Variants in TAP2 observed in about 807,000 individuals in gnomAD.
TAP2 encodes transporter 2, ATP binding cassette subfamily B member.
In TAP2, 49 loss-of-function variants were observed where a neutral mutation model predicts 74.7. The observed-to-expected ratio is 0.66, with a 90% CI of 0.52 to 0.83. The LOEUF (loss-of-function observed/expected upper bound fraction) is 0.83, where lower values mean the gene tolerates loss of function less well. Ranked by LOEUF, TAP2 falls within the 40% of genes least tolerant of loss-of-function variation. The pLI is 0.00. For synonymous variants in TAP2, 306 were observed against 368.4 expected (o/e 0.83, Z 1.94); for missense variants, 739 against 859.0 (o/e 0.86, Z 1.75).
rs912437806 is a variant in TAP2, at chr6:32,838,712, C to G, written c.-64G>C. On this transcript the variant is annotated 5_prime_UTR_variant, in exon 1 of 12. Transcript: ENST00000374897. The stretch of plus-strand genomic sequence containing the variant: ...TCTGCTTCAGCGCTGAGGTCCGCTC[C>G]GTCTCTCCCAACCTCGCTACCGGCT... 6.3e-6 allele frequency: 1 copy of G among 157,724 alleles called. No homozygotes were observed. The highest frequency in any genetic ancestry group is 1.4e-5 in the Non-Finnish European group (1 of 71,994). The allele number at this position is 157,724 out of a possible 1,614,324, so 9.8% of individuals were successfully genotyped here.
chr6:32,832,208 C>A lies in TAP2; in HGVS notation c.1272+125G>T. 7.1e-7 allele frequency: 1 copy of A among 1,398,648 alleles called. No individual in the cohort carries two copies. Among genetic ancestry groups the A allele is most frequent in the Non-Finnish European group, 9.8e-7 (1 of 1,016,530 alleles). The allele number at this position is 1,398,648 out of a possible 1,614,324, so 86.6% of individuals were successfully genotyped here. The stretch of plus-strand genomic sequence containing the variant: ...GGCATATGTTTAAAATTCTCCATAG[C>A]AAAATTACTTGCGGGTTTTGGTTTT... On this transcript the variant is annotated intron_variant, in intron 7 of 11. Coordinates refer to ENST00000374897, the MANE Select transcript of TAP2 (RefSeq NM_001290043.2). This position sits in a 1 kb window ranked among gnomAD's most constrained non-coding sequence, Gnocchi z 5.9.
At position 32,838,127 on chromosome 6, in the gene TAP2, G is replaced by A; in HGVS notation, c.107C>T (p.Pro36Leu). Residue 36 changes from proline to leucine, a missense_variant, in exon 2 of 12, where the codon CCA becomes CTA. Transcript: ENST00000374897. ...CAGGGTCCCCTCCAGCCATAGTCCT[G>A]GCAGCCCTTGAGGAAGCAAAGTCCC... ...PLGTLLPQGL[P>L]GLWLEGTLRL... 1 of 1,609,868 alleles carries A rather than the reference G, an allele frequency of 6.2e-7. No homozygotes were observed. Among genetic ancestry groups the A allele is most frequent in the Non-Finnish European group, 8.5e-7 (1 of 1,178,270 alleles).
downstream of TAP2, among the ~76,000 whole-genome samples, chr6:32,825,126 T>TTATATATA (rs28381588): frequency 1.3e-4 from 18 of 140,784 alleles, no homozygotes; most frequent in East Asian, 6.5e-4. Context: ...TGTCTGTTGG[T>TTATATATA]TATATACATA....
Position 32,830,700 on chromosome 6 carries a change from G to A in TAP2, c.1379C>T (p.Ala460Val), listed in dbSNP as rs1269566347. 3 of 1,613,080 alleles carry A rather than the reference G, an allele frequency of 1.9e-6. No homozygotes were observed. Among genetic ancestry groups the A allele is most frequent in the Non-Finnish European group, 2.5e-6 (3 of 1,180,012 alleles). ...CACAACCCCCTGCAGAGTGGTGGGG[G>A]CAAGCGTGCCAGGTGAAGGCAGATT... ...QPNLPSPGTL[A>V]PTTLQGVVKF... The change falls in exon 8 of 12, where the codon GCC becomes GTC. Residue 460 changes from alanine to valine, a missense_variant. Coordinates refer to ENST00000374897, the MANE Select transcript of TAP2 (RefSeq NM_001290043.2).
rs571349834 is a variant in TAP2, at chr6:32,829,803, T to C, written c.1795+127A>G. ...AATTCAGTGTGTGGGGAAGGAGACGTAGGAATGGAGGAAAGGGCAGAGGAA... is the reference window on the plus strand; with the variant it reads ...AATTCAGTGTGTGGGGAAGGAGACGCAGGAATGGAGGAAAGGGCAGAGGAA... On this transcript the variant is annotated intron_variant, in intron 10 of 11. Transcript: ENST00000374897. The C allele has an allele frequency of 1.4e-4, 183 of 1,320,958 alleles. No homozygotes were observed. The African/African-American group carries it at 1.9e-3, about 14-fold the overall frequency. The allele number at this position is 1,320,958 out of a possible 1,614,324, so 81.8% of individuals were successfully genotyped here.
Position 32,830,681 on chromosome 6 carries a change from C to T in TAP2, c.1398G>A (p.Gly466=), listed in dbSNP as rs137982419. 5,556 of 1,613,040 alleles carry T rather than the reference C, an allele frequency of 3.4e-3. 63 individuals carry two copies. The highest frequency in any genetic ancestry group is 0.029 in the African/African-American group (2,152 of 75,006). ...AGGAGACGTCTTGGAATTTCACAAC[C>T]CCCTGCAGAGTGGTGGGGGCAAGCG... The part of the protein sequence containing the change: ...PGTLAPTTLQ[G]VVKFQDVSFA... Residue 466 remains glycine (G), a synonymous_variant, in exon 8 of 12, where the codon GGG becomes GGA. Transcript: ENST00000374897.
In TAP2 at chr6:32,831,111, G is replaced by A. The variant is rs1321465335; in HGVS notation, c.1273-305C>T. Among the ~76,000 whole-genome samples the A allele has an allele frequency of 3.3e-5, 5 of 152,088 alleles. No individual in the cohort carries two copies. The South Asian group carries it at 6.2e-4, about 19-fold the overall frequency. On this transcript the variant is annotated intron_variant, in intron 7 of 11. Coordinates refer to ENST00000374897, the MANE Select transcript of TAP2 (RefSeq NM_001290043.2). ...CCAGTTCTGTCTTGCTTGATTAGAC[G>A]GGGAGCTCCTTAAATGCAGGCACTG...
At position 32,826,547 on chromosome 6, in the gene TAP2, G is replaced by A; in HGVS notation, c.*2359C>T. On this transcript the variant is annotated 3_prime_UTR_variant, in exon 12 of 12. Transcript: ENST00000374897. ...ACACTTACAGGAATTTGTCTGTCTA[G>A]CCCGAATATTTTGACTTTCAGGGAG... The A allele has an allele frequency of 1.0e-6, 1 of 985,368 alleles. No individual in the cohort carries two copies. Among genetic ancestry groups the A allele is most frequent in the Non-Finnish European group, 1.2e-6 (1 of 829,922 alleles). 61.0% of individuals were successfully genotyped at this position (985,368 alleles called of 1,614,324 possible). A position where few individuals can be genotyped will look rare whatever the true frequency, so the allele number is the denominator to read the frequency against.
At chr6:32,837,118 G>A (rs992062555) in intron 3 of TAP2, among the ~76,000 whole-genome samples, 2 of 152,174 alleles carry the variant, frequency 1.3e-5, no homozygotes, top group African/African-American at 4.8e-5. Context: ...AGATGAGCTG[G>A]GAAAGAAGAG....
chr6:32,823,429 A>ATTTTTTTTTTTTTT (rs9280195), downstream of TAP2, among the ~76,000 whole-genome samples: 1 of 64,572 alleles, frequency 1.5e-5, no homozygotes, highest in Non-Finnish European at 2.7e-5. Flanking sequence ...GTCACACTCA[A>ATTTTTTTTTTTTTT]TTTTTTTTTT....
chr6:32,830,294 C>T lies in TAP2; in HGVS notation c.1608G>A (p.Gln536=), dbSNP rs941099026. The change falls in exon 9 of 12, where the codon CAG becomes CAA. Residue 536 remains glutamine (Q), a synonymous_variant. Coordinates refer to ENST00000374897, the MANE Select transcript of TAP2 (RefSeq NM_001290043.2). The part of the protein sequence containing the change: ...QVLLDEKPIS[Q]YEHCYLHSQV... ...GGCTGTGCAGGTAGCAGTGTTCATA[C>T]TGTGAGATGGGCTTTTCATCCAGCA... The T allele has an allele frequency of 1.2e-6, 2 of 1,613,106 alleles. No individual in the cohort carries two copies. Among genetic ancestry groups the T allele is most frequent in the African/African-American group, 1.3e-5 (1 of 75,046 alleles).
Position 32,838,307 on chromosome 6 carries a change from C to G in TAP2, c.-4-70G>C, listed in dbSNP as rs55857185. On this transcript the variant is annotated intron_variant, in intron 1 of 11. Transcript: ENST00000374897. ...ATCCTTGTCCCTGCCCTCCTACCCG[C>G]CCGGCTCCGCCTAACCCGTCCATCG... 3.1e-3 allele frequency: 4,546 copies of G among 1,485,782 alleles called. 55 individuals are homozygous for G. The highest frequency in any genetic ancestry group is 0.023 in the African/African-American group (1,599 of 70,368). The allele number at this position is 1,485,782 out of a possible 1,614,324, so 92.0% of individuals were successfully genotyped here.
chr6:32,826,977 T>G lies in TAP2; in HGVS notation c.*1929A>C. ...AGAGTTCTTTCTCTCCAAATGCCTA[T>G]TTTACCCTCTGTGAAATTTGAGAGA... On this transcript the variant is annotated 3_prime_UTR_variant, in exon 12 of 12. Coordinates refer to ENST00000374897, the MANE Select transcript of TAP2 (RefSeq NM_001290043.2). 1 of 985,408 alleles carries G rather than the reference T, an allele frequency of 1.0e-6. No homozygotes were observed. Among genetic ancestry groups the G allele is most frequent in the Non-Finnish European group, 1.2e-6 (1 of 829,926 alleles). 61.0% of individuals were successfully genotyped at this position (985,408 alleles called of 1,614,324 possible). A position where few individuals can be genotyped will look rare whatever the true frequency, so the allele number is the denominator to read the frequency against.
Position 32,835,539 on chromosome 6 carries a change from A to C in TAP2, c.739+104T>G. The C allele has an allele frequency of 6.4e-7, 1 of 1,554,406 alleles. No individual in the cohort carries two copies. The highest frequency in any genetic ancestry group is 1.1e-5 in the South Asian group (1 of 88,388). ...CCCAAACAAGAGAAAAGCATCCCCAAGTCCTGGCATACGGGTGAAGGCAGG... is the reference window on the plus strand; with the variant it reads ...CCCAAACAAGAGAAAAGCATCCCCACGTCCTGGCATACGGGTGAAGGCAGG... On this transcript the variant is annotated intron_variant, in intron 4 of 11. Coordinates refer to ENST00000374897, the MANE Select transcript of TAP2 (RefSeq NM_001290043.2). The surrounding 1 kb of genome is among the most constrained non-coding windows in gnomAD (Gnocchi z 4.0).
chr6:32,836,788 T>C (rs1455673899), intron 3 of TAP2, among the ~76,000 whole-genome samples: 1 of 152,230 alleles, frequency 6.6e-6, no homozygotes, highest in South Asian at 2.1e-4. Flanking sequence ...CGTTATGCAG[T>C]GCACGACTGT....
At chr6:32,831,568 A>G (rs1293120156) in intron 7 of TAP2, among the ~76,000 whole-genome samples, 2 of 152,246 alleles carry the variant, frequency 1.3e-5, no homozygotes, top group African/African-American at 4.8e-5. Flanking sequence ...CAATCTCACA[A>G]GCTTCTAGGT....
Position 32,826,612 on chromosome 6 carries a change from T to C in TAP2, c.*2294A>G, listed in dbSNP as rs923989078. 10 of 985,424 alleles carry C rather than the reference T, an allele frequency of 1.0e-5. No individual in the cohort carries two copies. The highest frequency in any genetic ancestry group is 1.2e-5 in the Non-Finnish European group (10 of 829,920). The allele number at this position is 985,424 out of a possible 1,614,324, so 61.0% of individuals were successfully genotyped here. On this transcript the variant is annotated 3_prime_UTR_variant, in exon 12 of 12. Transcript: ENST00000374897. ...CCTGACATAAAGCCTACCTGGGAGT[T>C]TCCCCTGAGATAAGAAACTTTCAGG...
At chr6:32,823,851 AG>A (rs1156648507), downstream of TAP2, among the ~76,000 whole-genome samples, 4 of 152,086 alleles carry the variant, frequency 2.6e-5, no homozygotes, top group Non-Finnish European at 5.9e-5. Context: ...GTATATTTCA[AG>A]GTTGCTTTGA....
Position 32,828,719 on chromosome 6 carries a change from C to A in TAP2, c.*187G>T. On this transcript the variant is annotated 3_prime_UTR_variant, in exon 12 of 12. Coordinates refer to ENST00000374897, the MANE Select transcript of TAP2 (RefSeq NM_001290043.2). ...CCACCTCTCTACCCCACCAAAAGCACACAGTGTCCAAATCTCCATCGTGCC... is the reference window on the plus strand; with the variant it reads ...CCACCTCTCTACCCCACCAAAAGCAAACAGTGTCCAAATCTCCATCGTGCC... 1.0e-6 allele frequency: 1 copy of A among 976,856 alleles called. No individual in the cohort carries two copies. The highest frequency in any genetic ancestry group is 1.2e-6 in the Non-Finnish European group (1 of 810,372). 60.5% of individuals were successfully genotyped at this position (976,856 alleles called of 1,614,324 possible). A position where few individuals can be genotyped will look rare whatever the true frequency, so the allele number is the denominator to read the frequency against.
Sources: gnomAD v4.1 joint callset for allele counts (sites outside exome capture counted in the v4.1 genomes callset) on GRCh38, gnomAD v4.1.1 for gene constraint, Gnocchi (gnomAD v3.1) non-coding constraint, MANE v1.5 for transcripts, NCBI Gene and HGNC (gene_info 2026-07-23, HGNC 2026-07-21) for gene names.